PARD6G: variants seen among roughly 807,000 people sequenced by gnomAD.
PARD6G encodes par-6 family cell polarity regulator gamma.
PARD6G carries 7 observed loss-of-function variants against 10.7 expected under a neutral mutation model. The ratio of observed to expected loss-of-function variants is 0.66; its 90% CI spans 0.37 to 1.23. PARD6G has a LOEUF of 1.23. Ranked by LOEUF, PARD6G falls within the 50% of genes most tolerant of loss-of-function variation. The pLI is 0.02. For synonymous variants in PARD6G, 287 were observed against 269.4 expected (o/e 1.07, Z -0.64); for missense variants, 548 against 571.8 (o/e 0.96, Z 0.42).
intron 2 of PARD6G, chr18:80,170,306 A>C (rs2052767119): frequency 6.6e-6 from 1 of 152,322 alleles, no homozygotes; most frequent in African/African-American, 2.4e-5. Flanking sequence ...TCAAACCCCA[A>C]GACCTGTCTC....
chr18:80,214,447 C>A (rs889251342), intron 1 of PARD6G, among the ~76,000 whole-genome samples: 1 of 151,850 alleles, frequency 6.6e-6, no homozygotes, highest in African/African-American at 2.4e-5. Context: ...GCCTGGGAAA[C>A]AGAGCGAGAC....
rs563777293 is a variant in PARD6G, at chr18:80,200,746, C to G, written c.295+1964G>C. ...TGAACACAGGGCCCCAGCCAGCAAG[C>G]TGGAAAGAGGCAGAGTGTCCGAGCT... On this transcript the variant is annotated intron_variant, in intron 2 of 2. Transcript: ENST00000353265. The surrounding 1 kb of genome is among the most constrained non-coding windows in gnomAD (Gnocchi z 4.4). 9.7e-4 allele frequency among the ~76,000 whole-genome samples: 148 copies of G among 152,310 alleles called. No individual in the cohort carries two copies. Among genetic ancestry groups the G allele is most frequent in the African/African-American group, 2.7e-3 (113 of 41,568 alleles).
intron 2 of PARD6G, chr18:80,197,315 T>C (rs1198497917): frequency 6.6e-6 from 1 of 152,208 alleles, no homozygotes; most frequent in Admixed American, 6.5e-5. Flanking sequence ...CCAGTGTCCA[T>C]AACAAGATTC....
rs922587086 is a variant in PARD6G, at chr18:80,228,542, G to A, written c.72+18735C>T. Among the ~76,000 whole-genome samples, 30 of 135,166 alleles carry A rather than the reference G, an allele frequency of 2.2e-4. No homozygotes were observed. Among genetic ancestry groups the A allele is most frequent in the Non-Finnish European group, 3.5e-4 (23 of 64,952 alleles). 88.7% of individuals were successfully genotyped at this position (135,166 alleles called of 152,430 possible). ...GGTGCGCAGACTGTCTCTCGTCTAA[G>A]GTCCCAGACACCACAGGGTCTTGGC... On this transcript the variant is annotated intron_variant, in intron 1 of 2. Coordinates refer to ENST00000353265, the MANE Select transcript of PARD6G (RefSeq NM_032510.4). This position sits in a 1 kb window ranked among gnomAD's most constrained non-coding sequence, Gnocchi z 4.6.
At chr18:80,212,635 C>G (rs530272582) in intron 1 of PARD6G, among the ~76,000 whole-genome samples, 134 of 152,260 alleles carry the variant, frequency 8.8e-4, no homozygotes, top group African/African-American at 2.9e-3. Flanking sequence ...CCTGTAATCC[C>G]AGCATTTTGG....
chr18:80,247,268 G>T lies in PARD6G; in HGVS notation c.72+9C>A. On this transcript the variant is annotated intron_variant, in intron 1 of 2. Coordinates refer to ENST00000353265, the MANE Select transcript of PARD6G (RefSeq NM_032510.4). This position sits in a 1 kb window ranked among gnomAD's most constrained non-coding sequence, Gnocchi z 4.2. ...GGCGCAGGGCCGCCGGGGCGGGCGG[G>T]GGGCTTACCTTGCTCTTGACTTCCA... is the stretch of plus-strand genomic sequence containing the variant. 1 of 1,573,094 alleles carries T rather than the reference G, an allele frequency of 6.4e-7. No individual in the cohort carries two copies. Among genetic ancestry groups the T allele is most frequent in the Non-Finnish European group, 8.6e-7 (1 of 1,160,154 alleles).
chr18:80,224,587 C>G (rs530251398), intron 1 of PARD6G, among the ~76,000 whole-genome samples: 1 of 152,208 alleles, frequency 6.6e-6, no homozygotes, highest in Non-Finnish European at 1.5e-5. Flanking sequence ...GTGGCTCACG[C>G]CTGTAATCCC....
chr18:80,177,920 TCA>T (rs904910855), intron 2 of PARD6G, among the ~76,000 whole-genome samples: 3 of 140,680 alleles, frequency 2.1e-5, no homozygotes, highest in Non-Finnish European at 4.6e-5. Context: ...AATGGGAAGC[TCA>T]CACACACACA....
At chr18:80,222,146 G>A (rs539193523) in intron 1 of PARD6G, among the ~76,000 whole-genome samples, 18 of 151,686 alleles carry the variant, frequency 1.2e-4, no homozygotes, top group African/African-American at 3.4e-4. Context: ...GTGCAGTGGT[G>A]CAATCACAGC....
intron 1 of PARD6G, among the ~76,000 whole-genome samples, chr18:80,206,774 A>T (rs566578770): frequency 2.1e-3 from 314 of 152,372 alleles, no homozygotes; most frequent in Non-Finnish European, 3.4e-3. Flanking sequence ...CTTAACAGTA[A>T]ATGAAAGATT....
chr18:80,209,647 C>A (rs1967087641), intron 1 of PARD6G, among the ~76,000 whole-genome samples: 1 of 151,876 alleles, frequency 6.6e-6, no homozygotes, highest in South Asian at 2.1e-4. Flanking sequence ...CATGTCTCTA[C>A]AGAAAAGTAC....
chr18:80,214,354 T>C (rs1414523073), intron 1 of PARD6G, among the ~76,000 whole-genome samples: 1 of 151,992 alleles, frequency 6.6e-6, no homozygotes, highest in Non-Finnish European at 1.5e-5. Context: ...TAGTCTCAGC[T>C]ACTCTGGAGG....
chr18:80,242,583 G>A (rs961877205), intron 1 of PARD6G, among the ~76,000 whole-genome samples: 1 of 152,196 alleles, frequency 6.6e-6, no homozygotes, highest in Non-Finnish European at 1.5e-5. Flanking sequence ...TCATACCCTT[G>A]TCATCCTGGA....
chr18:80,240,197 T>C (rs1450012532), intron 1 of PARD6G, among the ~76,000 whole-genome samples: 1 of 152,220 alleles, frequency 6.6e-6, no homozygotes, highest in African/African-American at 2.4e-5. Context: ...GTTTTGATGG[T>C]CAAATATCTA....
chr18:80,180,330 G>T lies in PARD6G; in HGVS notation c.296-19724C>A, dbSNP rs112454225. 2.0e-5 allele frequency among the ~76,000 whole-genome samples: 3 copies of T among 152,204 alleles called. No individual in the cohort carries two copies. Among genetic ancestry groups the T allele is most frequent in the Non-Finnish European group, 4.4e-5 (3 of 68,022 alleles). Reference sequence around the variant, plus strand: ...AGGCAGGGCGTGGGCAGCGACAGCTGGGGCCGGCAGGTGAGGACACGCAGC... The same window carrying T: ...AGGCAGGGCGTGGGCAGCGACAGCTTGGGCCGGCAGGTGAGGACACGCAGC... On this transcript the variant is annotated intron_variant, in intron 2 of 2. Transcript: ENST00000353265. This position sits in a 1 kb window ranked among gnomAD's most constrained non-coding sequence, Gnocchi z 5.6.
At chr18:80,179,862 T>C (rs2052838974) in intron 2 of PARD6G, among the ~76,000 whole-genome samples, 1 of 152,222 alleles carries the variant, frequency 6.6e-6, no homozygotes, top group Non-Finnish European at 1.5e-5. Context: ...TCCAAAACGA[T>C]CCTGAAGTTT....
At position 80,160,143 on chromosome 18, in the gene PARD6G, G is replaced by T. The variant is rs201654885; in HGVS notation, c.759C>A (p.Arg253=). The part of the protein sequence containing the change: ...LIVTVKPANQ[R]NNVVRGGRAL... ...CGCGGCCGCCGCGCACCACGTTGTT[G>T]CGCTGGTTGGCGGGCTTGACGGTGA... The change falls in exon 3 of 3, where the codon CGC becomes CGA. Residue 253 remains arginine (R), a synonymous_variant. Transcript: ENST00000353265. 6.2e-7 allele frequency: 1 copy of T among 1,613,154 alleles called. No individual in the cohort carries two copies. Among genetic ancestry groups the T allele is most frequent in the Non-Finnish European group, 8.5e-7 (1 of 1,179,760 alleles).
At chr18:80,244,461 G>A (rs1967521561) in intron 1 of PARD6G, among the ~76,000 whole-genome samples, 1 of 152,078 alleles carries the variant, frequency 6.6e-6, no homozygotes. Context: ...TAAGCACTGG[G>A]GACTGACCAT....
intron 1 of PARD6G, among the ~76,000 whole-genome samples, chr18:80,237,921 T>C (rs1433729435): frequency 6.6e-6 from 1 of 152,062 alleles, no homozygotes; most frequent in Non-Finnish European, 1.5e-5. Context: ...AATTCAACCA[T>C]TGTGGAAGTC....
Sources: gnomAD v4.1 joint callset for allele counts (sites outside exome capture counted in the v4.1 genomes callset) on GRCh38, gnomAD v4.1.1 for gene constraint, Gnocchi (gnomAD v3.1) non-coding constraint, MANE v1.5 for transcripts, NCBI Gene and HGNC (gene_info 2026-07-23, HGNC 2026-07-21) for gene names.